Variants in HIP1 observed in about 807,000 individuals in gnomAD.
The protein encoded by HIP1 is huntingtin interacting protein 1, also known as huntingtin-interacting protein 1.
HIP1 carries 65 observed loss-of-function variants against 147.6 expected under a neutral mutation model. The ratio of observed to expected loss-of-function variants is 0.44; its 90% confidence interval spans 0.36 to 0.54. HIP1 has a LOEUF of 0.54. HIP1 is among the 20% of genes least tolerant of loss of function. HIP1 has a pLI of 0.00. For missense variants in HIP1, 1,061 were observed against 1,299.6 expected (o/e 0.82, Z 2.82); for synonymous variants, 479 against 504.0 (o/e 0.95, Z 0.67).
intron 1 of HIP1, among the ~76,000 whole-genome samples, chr7:75,609,389 T>C (rs1317032118): frequency 1.3e-5 from 2 of 151,502 alleles, no homozygotes; most frequent in African/African-American, 4.9e-5. Context: ...TACTGAGGGG[T>C]TTCCAGGGCA....
At chr7:75,706,226 G>C (rs79708130) in intron 1 of HIP1, among the ~76,000 whole-genome samples, 4,661 of 152,208 alleles carry the variant, frequency 0.031, 95 homozygotes, top group Non-Finnish European at 0.048. Context: ...CCACCTGACT[G>C]TTTTCTACAG....
At chr7:75,588,081 C>G (rs1232010826) in intron 4 of HIP1, among the ~76,000 whole-genome samples, 1 of 152,170 alleles carries the variant, frequency 6.6e-6, no homozygotes, top group Non-Finnish European at 1.5e-5. Context: ...GAAGTCCTCC[C>G]TAAGGACTAT....
chr7:75,555,275 G>A (rs979496361), intron 19 of HIP1, 141 bp downstream of exon 19: 1 of 809,286 alleles, frequency 1.2e-6, no homozygotes, highest in East Asian at 2.6e-5. Context: ...GATCTAGGAT[G>A]GGGCCTGGGC....
rs567234473 is a variant in HIP1 at position 75,675,598 on chromosome 7, C to CT, written c.120+63202_120+63203insA. ...TTTCTATCTGTTAATTCATCATCTC[C>CT]CTCTCTCTTTGAAATTCTGTTTTCA... On this transcript the variant is annotated intron_variant, in intron 1 of 30. Transcript: ENST00000336926. 1.0e-3 allele frequency among the ~76,000 whole-genome samples: 158 copies of CT among 151,834 alleles called. 1 individual carries two copies. Among genetic ancestry groups the CT allele is most frequent in the African/African-American group, 3.6e-3 (149 of 41,386 alleles).
intron 1 of HIP1, among the ~76,000 whole-genome samples, chr7:75,727,583 C>A (rs181485249): frequency 6.6e-6 from 1 of 152,056 alleles, no homozygotes; most frequent in Admixed American, 6.6e-5. Flanking sequence ...CAGTGGCTCA[C>A]GCCTATAATA....
intron 1 of HIP1, among the ~76,000 whole-genome samples, chr7:75,639,434 A>T (rs1798566041): frequency 6.6e-6 from 1 of 151,514 alleles, no homozygotes; most frequent in African/African-American, 2.4e-5. Context: ...TTCCCGGGCC[A>T]GATCCCGCGG....
Position 75,696,379 on chromosome 7 carries a change from C to T in HIP1, c.120+42422G>A, listed in dbSNP as rs149575848. On this transcript the variant is annotated intron_variant, in intron 1 of 30. Transcript: ENST00000336926. ...TTTCTTTGTCCTTGTGGGTCTTTCTCATTCTTATTTCTTTACTATTATGCA... is the reference window on the plus strand; with the variant it reads ...TTTCTTTGTCCTTGTGGGTCTTTCTTATTCTTATTTCTTTACTATTATGCA... Among the ~76,000 whole-genome samples the T allele has an allele frequency of 6.2e-3, 945 of 152,182 alleles. 16 individuals carry two copies. Among genetic ancestry groups the T allele is most frequent in the African/African-American group, 0.021 (879 of 41,532 alleles).
At chr7:75,586,868 C>T (rs782148433) in intron 4 of HIP1, 35 bp from the exon 5 acceptor site, 4 of 1,318,806 alleles carry the variant, frequency 3.0e-6, no homozygotes, top group Non-Finnish European at 4.4e-6. Context: ...GAGTCAACAA[C>T]AAGAACATAA....
Position 75,582,090 on chromosome 7 carries a change from C to A in HIP1, c.527G>T (p.Ser176Ile), listed in dbSNP as rs782399393. 15 of 1,614,004 alleles carry A rather than the reference C, an allele frequency of 9.3e-6. No homozygotes were observed. Among genetic ancestry groups the A allele is most frequent in the Non-Finnish European group, 1.3e-5 (15 of 1,179,932 alleles). Residue 176 changes from serine (S) to isoleucine (I), a missense_variant, in exon 6 of 31, where the codon AGT (serine) becomes ATT (isoleucine). Transcript: ENST00000336926. ...SDRQLDEAGE[S>I]DVNNFFQLTV... The stretch of plus-strand genomic sequence containing the variant: ...AGCCACTTACAAGTTGTTCACGTCA[C>A]TTTCTCCAGCCTCGTCCAGCTGGCG...
chr7:75,708,297 G>T (rs150699613), intron 1 of HIP1, among the ~76,000 whole-genome samples: 4 of 152,052 alleles, frequency 2.6e-5, no homozygotes, highest in Non-Finnish European at 5.9e-5. Flanking sequence ...CCATTCTGTA[G>T]GTTGCCTTTT....
At chr7:75,546,173 C>CA (rs1554490981) in intron 25 of HIP1, among the ~76,000 whole-genome samples, 1 of 151,334 alleles carries the variant, frequency 6.6e-6, no homozygotes, top group African/African-American at 2.4e-5. Context: ...TGCGATTTGC[C>CA]AAAAAAAGGA....
At chr7:75,594,502 G>A (rs73139378) in intron 2 of HIP1, among the ~76,000 whole-genome samples, 2,772 of 152,168 alleles carry the variant, frequency 0.018, 32 homozygotes, top group African/African-American at 0.024. Flanking sequence ...AGGGTTGGGC[G>A]TGGTGGCTCA....
intron 1 of HIP1, among the ~76,000 whole-genome samples, chr7:75,637,984 C>A (rs782371254): frequency 6.3e-5 from 3 of 47,994 alleles, no homozygotes; most frequent in African/African-American, 2.3e-4. Context: ...CAGACCCCCC[C>A]CCCCCCCCCA....
chr7:75,648,926 T>C (rs187749766), intron 1 of HIP1, among the ~76,000 whole-genome samples: 4 of 152,128 alleles, frequency 2.6e-5, no homozygotes, highest in Non-Finnish European at 5.9e-5. Context: ...GGCAACATAG[T>C]GAGACCTGGT....
At chr7:75,654,412 C>T (rs2014588) in intron 1 of HIP1, 62,850 of 152,070 alleles carry the variant, frequency 0.41, 13,540 homozygotes, top group Middle Eastern at 0.55. Flanking sequence ...AGAAACAGAA[C>T]TAATGTCACA....
At chr7:75,555,583 C>G (rs782701094) in intron 18 of HIP1, 32 bp from the exon 19 acceptor site, 8 of 1,612,914 alleles carry the variant, frequency 5.0e-6, no homozygotes, top group Non-Finnish European at 6.8e-6. Context: ...GAGAGTCTGC[C>G]CTAGACTCCA....
chr7:75,702,977 A>G (rs782717947), intron 1 of HIP1, among the ~76,000 whole-genome samples: 30 of 152,226 alleles, frequency 2.0e-4, no homozygotes, highest in Non-Finnish European at 4.4e-5. Context: ...AGATTTCAAC[A>G]TAAGGTTTGA....
intron 1 of HIP1, among the ~76,000 whole-genome samples, chr7:75,701,983 G>A (rs1800846323): frequency 6.6e-6 from 1 of 151,858 alleles, no homozygotes; most frequent in Non-Finnish European, 1.5e-5. Flanking sequence ...AGGCTGGAGT[G>A]CAGTGGTGTG....
Position 75,559,713 on chromosome 7 carries a change from G to T in HIP1, c.1375+19C>A. ...GCGCCTGCCCCCGGGGCCCGCCCCC[G>T]CCCCCACCCACCGCTCACTTTCTAT... On this transcript the variant is annotated intron_variant, in intron 14 of 30. Coordinates refer to ENST00000336926, the MANE Select transcript of HIP1 (RefSeq NM_005338.7). 7.7e-6 allele frequency: 2 copies of T among 259,572 alleles called. No homozygotes were observed. Among genetic ancestry groups the T allele is most frequent in the Non-Finnish European group, 1.2e-5 (2 of 162,260 alleles). The allele number at this position is 259,572 out of a possible 1,614,324, so 16.1% of individuals were successfully genotyped here. A position where few individuals can be genotyped will look rare whatever the true frequency, so the allele number is the denominator to read the frequency against.
Sources: gnomAD v4.1 joint callset for allele counts (sites outside exome capture counted in the v4.1 genomes callset) on GRCh38, gnomAD v4.1.1 for gene constraint, MANE v1.5 for transcripts, NCBI Gene and HGNC (gene_info 2026-07-23, HGNC 2026-07-21) for gene names.